VEPH1: variants seen among roughly 807,000 people sequenced by gnomAD.
VEPH1 encodes ventricular zone-expressed PH domain-containing protein homolog 1.
Under a neutral mutation model 85.2 loss-of-function variants are expected in VEPH1, and 80 were observed. The ratio of observed to expected loss-of-function variants is 0.94; its 90% CI spans 0.78 to 1.13. VEPH1 has a LOEUF of 1.13. Ranked by LOEUF, VEPH1 falls within the 50% of genes most tolerant of loss-of-function variation. The pLI is 0.00. For missense variants in VEPH1, 955 were observed against 980.5 expected, an observed-to-expected ratio of 0.97 and a Z score of 0.35; for synonymous variants, 297 against 348.0, an observed-to-expected ratio of 0.85 and a Z score of 1.63.
At chr3:157,371,685 T>A (rs1174549555) in intron 7 of VEPH1, among the ~76,000 whole-genome samples, 1 of 152,220 alleles carries the variant, frequency 6.6e-6, no homozygotes, top group Non-Finnish European at 1.5e-5. Context: ...GGCAGAGGCC[T>A]TTTTCCTCAA....
intron 7 of VEPH1, among the ~76,000 whole-genome samples, chr3:157,373,655 C>T (rs1204944906): frequency 6.6e-6 from 1 of 152,166 alleles, no homozygotes; most frequent in Non-Finnish European, 1.5e-5. Flanking sequence ...GGTCAAGGTC[C>T]TCTTACCTCT....
At chr3:157,427,560 A>T (rs1476276710) in intron 5 of VEPH1, among the ~76,000 whole-genome samples, 1 of 152,104 alleles carries the variant, frequency 6.6e-6, no homozygotes, top group Non-Finnish European at 1.5e-5. Flanking sequence ...GGCTCAGGTG[A>T]TTCTCCCACC....
chr3:157,282,842 ATC>A (rs776474730), intron 12 of VEPH1, among the ~76,000 whole-genome samples: 8 of 152,234 alleles, frequency 5.3e-5, no homozygotes, highest in Non-Finnish European at 1.0e-4. Flanking sequence ...TCCTTGCTCA[ATC>A]TCCATTCTCT....
chr3:157,401,604 A>G (rs1371705381), intron 6 of VEPH1, among the ~76,000 whole-genome samples: 1 of 152,170 alleles, frequency 6.6e-6, no homozygotes, highest in Admixed American at 6.6e-5. Context: ...ATTTTGCAAA[A>G]GTGTAAACCT....
At position 157,316,928 on chromosome 3, in the gene VEPH1, G is replaced by A. The variant is rs532467414; in HGVS notation, c.1875+134C>T. 4.5e-6 allele frequency: 4 copies of A among 882,198 alleles called. No individual in the cohort carries two copies. The Admixed American group carries it at 1.5e-4, about 32-fold the overall frequency. 54.6% of individuals were successfully genotyped at this position (882,198 alleles called of 1,614,324 possible). ...TAAAATATAAAAAACCGAGGTTAAA[G>A]TTATTAATGAAATATGTATGTATTG... is the stretch of plus-strand genomic sequence containing the variant. On this transcript the variant is annotated intron_variant, in intron 10 of 13. Coordinates refer to ENST00000362010, the MANE Select transcript of VEPH1 (RefSeq NM_001167912.2).
intron 3 of VEPH1, among the ~76,000 whole-genome samples, chr3:157,461,685 G>A (rs574043146): frequency 6.6e-6 from 1 of 152,238 alleles, no homozygotes; most frequent in Admixed American, 6.5e-5. Context: ...CAATTCCTGA[G>A]CAATAGAAAT....
chr3:157,383,295 C>T (rs1728962674), intron 6 of VEPH1, among the ~76,000 whole-genome samples: 1 of 152,178 alleles, frequency 6.6e-6, no homozygotes, highest in Non-Finnish European at 1.5e-5. Flanking sequence ...TCCCCCTCAC[C>T]TTTTATTTAT....
At chr3:157,377,387 T>C (rs138433513) in intron 7 of VEPH1, among the ~76,000 whole-genome samples, 112 of 152,232 alleles carry the variant, frequency 7.4e-4, no homozygotes, top group African/African-American at 2.4e-3. Context: ...ATTTTCATAG[T>C]GGGACCTTAT....
chr3:157,408,964 A>G (rs1731337297), intron 6 of VEPH1, among the ~76,000 whole-genome samples: 1 of 152,136 alleles, frequency 6.6e-6, no homozygotes, highest in South Asian at 2.1e-4. Flanking sequence ...GGATGAGACC[A>G]CAGAAGACTT....
At chr3:157,369,191 A>AAAAAAAAAAAAC (rs1727165142) in intron 7 of VEPH1, among the ~76,000 whole-genome samples, 1 of 145,088 alleles carries the variant, frequency 6.9e-6, no homozygotes, top group Non-Finnish European at 1.5e-5. Flanking sequence ...AAAAAAAAAA[A>AAAAAAAAAAAAC]AAAAAAAAAA....
chr3:157,323,553 A>G (rs1721580539), intron 9 of VEPH1, among the ~76,000 whole-genome samples: 1 of 152,216 alleles, frequency 6.6e-6, no homozygotes, highest in Non-Finnish European at 1.5e-5. Context: ...GCCCCTGGCT[A>G]TATCACATGC....
chr3:157,315,124 G>A (rs1018125569), intron 10 of VEPH1, among the ~76,000 whole-genome samples: 6 of 151,988 alleles, frequency 3.9e-5, no homozygotes, highest in African/African-American at 1.4e-4. Context: ...TTCTTTTTAT[G>A]TCAATGACTG....
intron 12 of VEPH1, chr3:157,286,249 CT>C (rs36026639): frequency 2.4e-5 from 7 of 287,578 alleles, no homozygotes; most frequent in Non-Finnish European, 4.7e-5. Context: ...TGAGAGAACA[CT>C]TTTTTTCTCT....
intron 6 of VEPH1, among the ~76,000 whole-genome samples, chr3:157,407,505 C>A (rs569056512): frequency 7.2e-5 from 11 of 152,288 alleles, no homozygotes; most frequent in East Asian, 3.9e-4. Context: ...AATTTACATA[C>A]ACCAGTTATT....
intron 9 of VEPH1, among the ~76,000 whole-genome samples, chr3:157,330,148 A>C (rs1297556683): frequency 6.6e-6 from 1 of 152,224 alleles, no homozygotes; most frequent in Non-Finnish European, 1.5e-5. Context: ...AAGCATGAAG[A>C]AGCTCACAGT....
intron 11 of VEPH1, among the ~76,000 whole-genome samples, chr3:157,307,310 G>A (rs1050051424): frequency 6.6e-5 from 10 of 151,640 alleles, no homozygotes. Context: ...GCCAAGACTT[G>A]TATTGTCACA....
At chr3:157,474,765 A>T (rs1199019114) in intron 2 of VEPH1, among the ~76,000 whole-genome samples, 1 of 151,732 alleles carries the variant, frequency 6.6e-6, no homozygotes, top group Admixed American at 6.6e-5. Context: ...CTCAGCATTG[A>T]TTTTCTGTGT....
intron 9 of VEPH1, among the ~76,000 whole-genome samples, chr3:157,329,468 T>C (rs1010791154): frequency 2.0e-5 from 3 of 152,242 alleles, no homozygotes; most frequent in Non-Finnish European, 4.4e-5. Flanking sequence ...AAATTCATGC[T>C]TTACATGATA....
intron 5 of VEPH1, among the ~76,000 whole-genome samples, chr3:157,425,949 C>T (rs1019964838): frequency 1.3e-5 from 2 of 152,168 alleles, no homozygotes; most frequent in African/African-American, 4.8e-5. Context: ...TTCTCCCATA[C>T]TGTTCTCATG....
Sources: allele counts gnomAD v4.1 joint callset (sites outside exome capture counted in the v4.1 genomes callset), GRCh38; gene constraint gnomAD v4.1.1; transcripts MANE v1.5; gene names NCBI Gene and HGNC (gene_info 2026-07-23, HGNC 2026-07-21).